Variants in SCN3A observed in about 807,000 individuals in gnomAD.
SCN3A encodes sodium voltage-gated channel alpha subunit 3, also known as sodium channel protein type 3 subunit alpha.
A neutral mutation model predicts 187.6 loss-of-function variants in SCN3A; 60 were observed. The ratio of observed to expected loss-of-function variants is 0.32; its 90% CI spans 0.26 to 0.40. SCN3A has a LOEUF of 0.40. SCN3A is among the 10% of genes least tolerant of loss of function. The probability of loss-of-function intolerance (pLI) is 1.00; values close to 1 mark genes in which losing one functional copy is unlikely to be tolerated. For synonymous variants in SCN3A, 788 were observed against 829.2 expected, an observed-to-expected ratio of 0.95 and a Z score of 0.85; for missense variants, 1,601 against 2,428.2, an observed-to-expected ratio of 0.66 and a Z score of 7.16.
intron 5 of SCN3A, among the ~76,000 whole-genome samples, chr2:165,165,607 T>TCAA (rs940059630): frequency 5.9e-5 from 9 of 152,346 alleles, no homozygotes; most frequent in African/African-American, 1.9e-4. Flanking sequence ...TACTTGTTTT[T>TCAA]CAACATTGTG....
At chr2:165,199,794 A>G (rs1692200982) in intron 1 of SCN3A, among the ~76,000 whole-genome samples, 1 of 152,022 alleles carries the variant, frequency 6.6e-6, no homozygotes, top group Non-Finnish European at 1.5e-5. Context: ...GATTTTATTT[A>G]TTGCTGTATT....
At chr2:165,113,217 G>T (rs1175490093) in intron 20 of SCN3A, among the ~76,000 whole-genome samples, 159 bp from the exon 21 acceptor site, 1 of 152,152 alleles carries the variant, frequency 6.6e-6, no homozygotes, top group Non-Finnish European at 1.5e-5. Flanking sequence ...TAAACTAAGT[G>T]TGAAAATGCT....
intron 21 of SCN3A, among the ~76,000 whole-genome samples, chr2:165,109,768 C>G (rs7598098): frequency 0.72 from 108,948 of 152,046 alleles, 39,772 homozygotes; most frequent in African/African-American, 0.82. Context: ...TTCTCATGGT[C>G]ATTATAACTA....
At chr2:165,099,289 G>A (rs896887323) in intron 22 of SCN3A, among the ~76,000 whole-genome samples, 3 of 152,104 alleles carry the variant, frequency 2.0e-5, no homozygotes, top group Non-Finnish European at 1.5e-5. Flanking sequence ...CAAATGGGTG[G>A]TATCTATAAT....
chr2:165,132,558 T>TG (rs1452742044), intron 15 of SCN3A, among the ~76,000 whole-genome samples: 1 of 152,184 alleles, frequency 6.6e-6, no homozygotes, highest in Non-Finnish European at 1.5e-5. Context: ...TAAATGGTGC[T>TG]GGGAAAACTG....
chr2:165,155,813 C>A lies in SCN3A; in HGVS notation c.1122G>T (p.Leu374=), dbSNP rs1688986883. The part of the protein sequence containing the change: ...TSFDTFSWAF[L]SLFRLMTQDY... The stretch of plus-strand genomic sequence containing the variant: ...CTTGAGTCATGAGTCGAAATAGAGA[C>A]AGGAAAGCCCAGCTAAAGGTGTCAA... Residue 374 remains leucine (L), a synonymous_variant, in exon 10 of 28, where the codon CTG becomes CTT. Coordinates refer to ENST00000283254, the MANE Select transcript of SCN3A (RefSeq NM_006922.4). 2 of 1,613,970 alleles carry A rather than the reference C, an allele frequency of 1.2e-6. No homozygotes were observed. Among genetic ancestry groups the A allele is most frequent in the African/African-American group, 2.7e-5 (2 of 74,896 alleles).
chr2:165,116,541 T>C (rs1686375784), intron 18 of SCN3A, among the ~76,000 whole-genome samples: 2 of 152,280 alleles, frequency 1.3e-5, no homozygotes, highest in South Asian at 4.1e-4. Context: ...GACATGTTAA[T>C]GATTTCAAAG....
At chr2:165,151,651 G>T (rs1270591674) in intron 11 of SCN3A, among the ~76,000 whole-genome samples, 1 of 152,184 alleles carries the variant, frequency 6.6e-6, no homozygotes, top group Non-Finnish European at 1.5e-5. Context: ...CAGACTCCAT[G>T]AATGGATGAG....
At chr2:165,164,020 C>T in intron 6 of SCN3A, 1 of 861,194 alleles carries the variant, frequency 1.2e-6, no homozygotes, top group South Asian at 1.6e-5. Flanking sequence ...CCTCAGGCTG[C>T]CATATGCTAA....
chr2:165,127,989 T>C lies in SCN3A; in HGVS notation c.3035A>G (p.Gln1012Arg), dbSNP rs1397666361. ...ATTTTTCACATAATCAATTCCCTTT[T>C]GCATTCTTCCTACTGCAATCTGCAG... is the stretch of plus-strand genomic sequence containing the variant. ...NNLQIAVGRM[Q>R]KGIDYVKNKM... Residue 1012 changes from glutamine to arginine, a missense_variant, in exon 18 of 28, where the codon CAA becomes CGA. Physicochemically the swap from Gln to Arg is conservative, Grantham distance 43 (BLOSUM62 1). Around this residue, in one of 11 missense-constraint regions of SCN3A, gnomAD observed 267 missense variants for 313.2 expected, o/e 0.85. Coordinates refer to ENST00000283254, the MANE Select transcript of SCN3A (RefSeq NM_006922.4). 2 of 1,614,118 alleles carry C rather than the reference T, an allele frequency of 1.2e-6. No homozygotes were observed.
At chr2:165,171,338 C>T (rs1035226335) in intron 3 of SCN3A, among the ~76,000 whole-genome samples, 6 of 151,970 alleles carry the variant, frequency 3.9e-5, no homozygotes, top group Non-Finnish European at 8.8e-5. Context: ...GTCATAGACT[C>T]CTAGAAGAAG....
chr2:165,146,861 T>C lies in SCN3A; in HGVS notation c.1549A>G (p.Lys517Glu). ...TTGGGAAAGCTGTCTCTCTCTCCTT[T>C]GTTGTTTCCTTCAAGGTGCTCTCTC... ...RQREHLEGNN[K>E]GERDSFPKSE... Residue 517 changes from lysine to glutamate, a missense_variant, in exon 12 of 28, where the codon AAA becomes GAA. Transcript: ENST00000283254. 1 of 1,614,098 alleles carries C rather than the reference T, an allele frequency of 6.2e-7. No homozygotes were observed. Among genetic ancestry groups the C allele is most frequent in the Non-Finnish European group, 8.5e-7 (1 of 1,179,960 alleles).
chr2:165,122,616 A>T (rs1339031203), intron 18 of SCN3A, among the ~76,000 whole-genome samples: 1 of 152,222 alleles, frequency 6.6e-6, no homozygotes, highest in Non-Finnish European at 1.5e-5. Flanking sequence ...TAGAAAACTC[A>T]TTAGCAGAAT....
chr2:165,112,991 A>C lies in SCN3A; in HGVS notation c.3737T>G (p.Val1246Gly). 2 of 1,613,148 alleles carry C rather than the reference A, an allele frequency of 1.2e-6. No homozygotes were observed. Among genetic ancestry groups the C allele is most frequent in the Non-Finnish European group, 1.7e-6 (2 of 1,179,522 alleles). The change falls in exon 21 of 28, where the codon GTC becomes GGC. Residue 1246 changes from valine to glycine, a missense_variant. Val to Gly is a moderately radical substitution (Grantham distance 109). Transcript: ENST00000283254. ...IKTMLEYADK[V>G]FTYIFILEML... ...TTCCAGAATGAATATATAGGTAAAG[A>C]CTTTGTCAGCATATTCTAGCATGGT... is the stretch of plus-strand genomic sequence containing the variant.
At chr2:165,108,952 A>G (rs908676534) in intron 21 of SCN3A, among the ~76,000 whole-genome samples, 4 of 152,060 alleles carry the variant, frequency 2.6e-5, no homozygotes, top group Admixed American at 1.3e-4. Flanking sequence ...CCATTTCTTC[A>G]TCTTCATTAT....
intron 3 of SCN3A, among the ~76,000 whole-genome samples, chr2:165,175,501 C>T (rs1013135622): frequency 6.6e-6 from 1 of 151,498 alleles, no homozygotes; most frequent in Non-Finnish European, 1.5e-5. Context: ...TTTTGGTCTT[C>T]CAATTTTGAC....
At chr2:165,142,250 G>A (rs761474578) in intron 12 of SCN3A, among the ~76,000 whole-genome samples, 26 of 152,092 alleles carry the variant, frequency 1.7e-4, no homozygotes, top group Non-Finnish European at 3.7e-4. Flanking sequence ...CAAATAAAAT[G>A]ATTTTAGTGG....
chr2:165,139,782 A>G (rs1020116183), intron 13 of SCN3A, 174 bp from the exon 14 acceptor site: 7 of 703,734 alleles, frequency 9.9e-6, no homozygotes, highest in Non-Finnish European at 1.6e-5. Flanking sequence ...AAAAAAAGTT[A>G]TCACAGGTAG....
intron 18 of SCN3A, among the ~76,000 whole-genome samples, chr2:165,116,053 G>A (rs1399144237): frequency 2.0e-5 from 3 of 152,004 alleles, no homozygotes; most frequent in Non-Finnish European, 4.4e-5. Flanking sequence ...TATTGTCCAT[G>A]TTTCTATAAT....
Sources: gnomAD v4.1 joint callset for allele counts (sites outside exome capture counted in the v4.1 genomes callset) on GRCh38, gnomAD v4.1.1 for gene constraint, gnomAD v4.1.1 regional missense constraint, MANE v1.5 for transcripts, NCBI Gene and HGNC (gene_info 2026-07-23, HGNC 2026-07-21) for gene names.